The following EEF1AKMT4 variants were observed in gnomAD, a reference collection of about 807,000 sequenced individuals.
EEF1AKMT4 encodes the protein EEF1A lysine methyltransferase 4.
Under a neutral mutation model 23.0 loss-of-function variants are expected in EEF1AKMT4, and 17 were observed. The ratio of observed to expected loss-of-function variants is 0.74; its 90% CI spans 0.51 to 1.11. The LOEUF is 1.11. Among genes scored for constraint, EEF1AKMT4 ranks in the 50% least tolerant of loss-of-function variants. EEF1AKMT4 has a pLI of 0.00. For synonymous variants in EEF1AKMT4, 140 were observed against 141.4 expected (o/e 0.99, Z 0.07); for missense variants, 318 against 333.4 (o/e 0.95, Z 0.36).
chr3:184,253,356 G>T (rs1324228356), intron 1 of EEF1AKMT4, among the ~76,000 whole-genome samples: 2 of 152,190 alleles, frequency 1.3e-5, no homozygotes, highest in African/African-American at 4.8e-5. Context: ...TAAAGTAAGG[G>T]TGCTTTGTGA....
At chr3:184,254,941 G>A (rs13317557) in intron 1 of EEF1AKMT4, among the ~76,000 whole-genome samples, 5,525 of 152,216 alleles carry the variant, frequency 0.036, 326 homozygotes, top group African/African-American at 0.12. Context: ...GCTCCACTTT[G>A]GAAGGCAGTG....
intron 1 of EEF1AKMT4, 91 bp downstream of exon 1, chr3:184,249,981 A>G: frequency 6.3e-6 from 9 of 1,431,500 alleles, no homozygotes; most frequent in Non-Finnish European, 8.5e-6. Flanking sequence ...CCGCCTGTCT[A>G]TCCCTCTTGG....
intron 1 of EEF1AKMT4, among the ~76,000 whole-genome samples, chr3:184,253,991 C>G (rs1436621550): frequency 6.6e-6 from 1 of 152,114 alleles, no homozygotes; most frequent in African/African-American, 2.4e-5. Flanking sequence ...TTATATGGCT[C>G]TAACATGAAA....
chr3:184,256,910 C>G (rs539285102), intron 1 of EEF1AKMT4, among the ~76,000 whole-genome samples: 1 of 151,890 alleles, frequency 6.6e-6, no homozygotes, highest in Non-Finnish European at 1.5e-5. Context: ...CCTCAGGTGA[C>G]CCGCCCTCCT....
chr3:184,250,859 G>A (rs867646654), intron 1 of EEF1AKMT4, among the ~76,000 whole-genome samples: 8 of 152,084 alleles, frequency 5.3e-5, no homozygotes, highest in African/African-American at 1.9e-4. Flanking sequence ...CAAGGCGGGC[G>A]GATCACCTGA....
rs190545529 is a variant in EEF1AKMT4, at chr3:184,251,855, A to T, written c.196+1965A>T. On this transcript the variant is annotated intron_variant, in intron 1 of 2. Transcript: ENST00000324557. Reference sequence around the variant, plus strand: ...TGCTTCCATTTTCTCAACCTTAAAAACATAAGCATATTTATTAATTGGGCT... The same window carrying T: ...TGCTTCCATTTTCTCAACCTTAAAATCATAAGCATATTTATTAATTGGGCT... Among the ~76,000 whole-genome samples the T allele has an allele frequency of 2.0e-3, 299 of 152,364 alleles. 1 individual carries two copies. Among genetic ancestry groups the T allele is most frequent in the Non-Finnish European group, 3.4e-3 (231 of 68,034 alleles).
intron 2 of EEF1AKMT4, 122 bp downstream of exon 2, chr3:184,257,878 A>G (rs1719884918): frequency 7.9e-7 from 1 of 1,260,286 alleles, no homozygotes; most frequent in African/African-American, 1.5e-5. Context: ...GGTCGCCCTC[A>G]GGAGTGTGGC....
chr3:184,251,117 G>C (rs190956808), intron 1 of EEF1AKMT4, among the ~76,000 whole-genome samples: 146 of 145,048 alleles, frequency 1.0e-3, no homozygotes, highest in African/African-American at 3.6e-3. Context: ...AAAGAACTTG[G>C]ACTCTGGGCT....
chr3:184,257,734 C>G lies in EEF1AKMT4; in HGVS notation c.458C>G (p.Thr153Ser). ...ACCGTGTCCTCTGAAGGTGTCCACA[C>G]TGTGGACCAGGTGTTGAGTGAGGTG... Reference protein sequence around the residue: ...PWTVSSEGVHTVDQVLSEVSR... With the variant: ...PWTVSSEGVHSVDQVLSEVSR... Residue 153 changes from threonine (T) to serine (S), a missense_variant, in exon 2 of 3, where the codon ACT becomes AGT. Physicochemically the swap from Thr to Ser is moderately conservative, Grantham distance 58. Coordinates refer to ENST00000324557, the MANE Select transcript of EEF1AKMT4 (RefSeq NM_032331.4). The G allele has an allele frequency of 6.2e-7, 1 of 1,613,328 alleles. No homozygotes were observed. Among genetic ancestry groups the G allele is most frequent in the Non-Finnish European group, 8.5e-7 (1 of 1,179,618 alleles).
chr3:184,253,030 G>A (rs1434320673), intron 1 of EEF1AKMT4, among the ~76,000 whole-genome samples: 1 of 151,570 alleles, frequency 6.6e-6, no homozygotes, highest in Non-Finnish European at 1.5e-5. Context: ...GTGGCAAGCT[G>A]CATTTGGCAA....
At chr3:184,257,209 C>CAAAA (rs751755981) in intron 1 of EEF1AKMT4, among the ~76,000 whole-genome samples, 3 of 69,484 alleles carry the variant, frequency 4.3e-5, no homozygotes, top group African/African-American at 1.5e-4. Context: ...GAATTCATCT[C>CAAAA]AAAAAAAAAA....
At chr3:184,258,056 T>C (rs1226983983) in intron 2 of EEF1AKMT4, among the ~76,000 whole-genome samples, 5 of 152,106 alleles carry the variant, frequency 3.3e-5, no homozygotes, top group Non-Finnish European at 7.4e-5. Context: ...TATAGGAAAG[T>C]GGTGCCCCTA....
chr3:184,258,315 C>T lies in EEF1AKMT4; in HGVS notation c.508C>T (p.Arg170Trp), dbSNP rs11546878. 256,668 of 1,612,534 alleles carry T rather than the reference C, an allele frequency of 0.16. 21,615 individuals are homozygous for T. The highest frequency in any genetic ancestry group is 0.17 in the Non-Finnish European group (206,196 of 1,179,080). ...GAGCCGCGTGCTTGTCCCTGGAGGC[C>T]GGTTTATCTCAATGACTTCTGCTGC... ...EVSRVLVPGG[R>W]FISMTSAAPH... is the part of the protein sequence containing the mutation. Residue 170 changes from arginine (R) to tryptophan (W), a missense_variant, in exon 3 of 3, where the codon CGG (arginine) becomes TGG (tryptophan). Physicochemically the swap from Arg to Trp is moderately radical, Grantham distance 101. Coordinates refer to ENST00000324557, the MANE Select transcript of EEF1AKMT4 (RefSeq NM_032331.4).
At chr3:184,258,227 A>C in intron 2 of EEF1AKMT4, 61 bp from the exon 3 acceptor site, 1 of 1,483,116 alleles carries the variant, frequency 6.7e-7, no homozygotes, top group Non-Finnish European at 9.2e-7. Flanking sequence ...CTGGAGCAGT[A>C]CTGACCTTTG....
At chr3:184,250,919 A>C (rs1448511742) in intron 1 of EEF1AKMT4, among the ~76,000 whole-genome samples, 1 of 151,926 alleles carries the variant, frequency 6.6e-6, no homozygotes, top group East Asian at 1.9e-4. Context: ...CCCCATCTCT[A>C]CTAAAAATAC....
intron 1 of EEF1AKMT4, among the ~76,000 whole-genome samples, chr3:184,250,576 A>G (rs932441486): frequency 6.6e-6 from 1 of 152,230 alleles, no homozygotes; most frequent in African/African-American, 2.4e-5. Context: ...AGGCGCTAGT[A>G]AAGTTTGAAT....
At chr3:184,249,956 T>C (rs2108446547) in intron 1 of EEF1AKMT4, 66 bp downstream of exon 1, 1 of 1,520,878 alleles carries the variant, frequency 6.6e-7, no homozygotes, top group South Asian at 1.2e-5. Flanking sequence ...GGGCTTGGCC[T>C]GGTCCGCTTT....
chr3:184,249,765 A>T lies in EEF1AKMT4; in HGVS notation c.71A>T (p.Glu24Val). The change falls in exon 1 of 3, where the codon GAG becomes GTG. Residue 24 changes from glutamate to valine, a missense_variant. Coordinates refer to ENST00000324557, the MANE Select transcript of EEF1AKMT4 (RefSeq NM_032331.4). ...PERNCGYREV[E>V]YWDQRYQGAA... ...CGGAACTGCGGGTACCGCGAAGTCG[A>T]GTACTGGGATCAGCGCTACCAAGGC... 6.2e-7 allele frequency: 1 copy of T among 1,613,232 alleles called. No individual in the cohort carries two copies. The highest frequency in any genetic ancestry group is 8.5e-7 in the Non-Finnish European group (1 of 1,179,984).
intron 1 of EEF1AKMT4, 23 bp downstream of exon 1, chr3:184,249,913 C>G (rs949156546): frequency 1.2e-5 from 19 of 1,600,120 alleles, no homozygotes; most frequent in Non-Finnish European, 1.5e-5. Context: ...GGCGCGGCCC[C>G]GCCAGGTAGA....
Sources: gnomAD v4.1 joint callset for allele counts (sites outside exome capture counted in the v4.1 genomes callset) on GRCh38, gnomAD v4.1.1 for gene constraint, MANE v1.5 for transcripts, NCBI Gene and HGNC (gene_info 2026-07-23, HGNC 2026-07-21) for gene names.